The following LTBP4 variants were observed in gnomAD, a reference collection of about 807,000 sequenced individuals.
LTBP4 encodes the protein latent transforming growth factor beta binding protein 4, also known as latent-transforming growth factor beta-binding protein 4.
A neutral mutation model predicts 180.2 loss-of-function variants in LTBP4; 93 were observed. That is an observed-to-expected ratio of 0.52 (90% confidence interval 0.44 to 0.61). LTBP4 has a LOEUF of 0.61. Ranked by LOEUF, LTBP4 falls within the 20% of genes least tolerant of loss-of-function variation. The pLI, the probability that LTBP4 is intolerant of heterozygous loss-of-function variation, is 0.00. For synonymous variants in LTBP4, 947 were observed against 934.5 expected (o/e 1.01, Z -0.24); for missense variants, 2,116 against 2,256.5 (o/e 0.94, Z 1.26).
At position 40,613,058 on chromosome 19, in the gene LTBP4, C is replaced by T; in HGVS notation, c.2300-7C>T. 6.2e-7 allele frequency: 1 copy of T among 1,611,572 alleles called. No individual in the cohort carries two copies. Among genetic ancestry groups the T allele is most frequent in the African/African-American group, 1.3e-5 (1 of 75,012 alleles). ...GGACCCTTTCTGAACACCCCCACCCCCCACAGATGTGGACGAATGCAGTTC... is the reference window on the plus strand; with the variant it reads ...GGACCCTTTCTGAACACCCCCACCCTCCACAGATGTGGACGAATGCAGTTC... On this transcript the variant is annotated splice_region_variant and splice_polypyrimidine_tract_variant and intron_variant, in intron 15 of 29. Coordinates refer to ENST00000396819, the MANE Select transcript of LTBP4 (RefSeq NM_001042545.2). The surrounding 1 kb of genome is among the most constrained non-coding windows in gnomAD (Gnocchi z 5.0).
At chr19:40,599,654 C>G, upstream of LTBP4, 1 of 1,135,422 alleles carries the variant, frequency 8.8e-7, no homozygotes, top group Non-Finnish European at 1.3e-6. Flanking sequence ...CCTCTCTCTC[C>G]CCCCTCCCTC....
At chr19:40,599,716 T>A, upstream of LTBP4, 1 of 657,014 alleles carries the variant, frequency 1.5e-6, no homozygotes, top group Non-Finnish European at 2.6e-6. Context: ...ATTTCATCCC[T>A]TGCCTGCCTA....
chr19:40,604,935 C>T, intron 1 of LTBP4, 100 bp from the exon 2 acceptor site: 3 of 1,092,656 alleles, frequency 2.7e-6, no homozygotes, highest in Non-Finnish European at 3.9e-6. Flanking sequence ...CAGCTAAGGG[C>T]GGAGCGACTT....
rs770615852 is a variant in LTBP4 at position 40,605,511 on chromosome 19, GGCGGTGGCGCGGGCGGAA to G, written c.554_571del (p.Val185_Ala190del). 1.2e-6 allele frequency: 2 copies of G among 1,609,582 alleles called. No homozygotes were observed. Among genetic ancestry groups the G allele is most frequent in the East Asian group, 2.2e-5 (1 of 44,798 alleles). The stretch of plus-strand genomic sequence containing the variant: ...GCCCTTGGGAGGAGGCGGACGCTGA[GGCGGTGGCGCGGGCGGAA>G]GCGGCGGCGCGGGCGGAGGCGGCAG... On this transcript the variant is annotated inframe_deletion, in exon 3 of 30. Coordinates refer to ENST00000396819, the MANE Select transcript of LTBP4 (RefSeq NM_001042545.2). The surrounding 1 kb of genome is among the most constrained non-coding windows in gnomAD (Gnocchi z 5.5).
chr19:40,617,263 TG>T (rs1334338980), intron 21 of LTBP4, 38 bp downstream of exon 21: 1 of 1,591,090 alleles, frequency 6.3e-7, no homozygotes, highest in Admixed American at 1.7e-5. Context: ...CCAAAGGGGG[TG>T]GGGGAGGTTG....
chr19:40,611,254 C>T lies in LTBP4; in HGVS notation c.1913C>T (p.Ser638Leu), dbSNP rs776198890. Residue 638 changes from serine to leucine, a missense_variant, in exon 13 of 30, where the codon TCG (serine) becomes TTG (leucine). By Grantham distance (145) the Ser-to-Leu change is moderately radical. Transcript: ENST00000396819. This position sits in a 1 kb window ranked among gnomAD's most constrained non-coding sequence, Gnocchi z 4.4. Reference sequence around the variant, plus strand: ...GTTTGCCCGGCTGGCTTCCGGGGCTCGGCGTGTGAAGAGGATGTGGATGAG... The same window carrying T: ...GTTTGCCCGGCTGGCTTCCGGGGCTTGGCGTGTGAAGAGGATGTGGATGAG... ...RCVCPAGFRG[S>L]ACEEDVDECA... is the part of the protein sequence containing the mutation. 3.7e-5 allele frequency: 60 copies of T among 1,612,788 alleles called. No homozygotes were observed. The highest frequency in any genetic ancestry group is 4.0e-5 in the African/African-American group (3 of 74,864).
upstream of LTBP4, among the ~76,000 whole-genome samples, chr19:40,600,513 G>GC (rs1334358340): frequency 6.6e-6 from 1 of 152,248 alleles, no homozygotes; most frequent in African/African-American, 2.4e-5. This position sits in a 1 kb window ranked among gnomAD's most constrained non-coding sequence, Gnocchi z 4.4. Context: ...GTTGGCGCCT[G>GC]CCTGGGCACC....
At chr19:40,607,275 A>AACCATTC in intron 6 of LTBP4, 90 bp from the exon 7 acceptor site, 1 of 657,106 alleles carries the variant, frequency 1.5e-6, no homozygotes, top group South Asian at 1.9e-5. Flanking sequence ...CCCACCCCCA[A>AACCATTC]CCCCAGAACC....
In LTBP4 at chr19:40,606,215, C is replaced by A. The variant is rs1057524344; in HGVS notation, c.794-18C>A. The A allele has an allele frequency of 3.8e-6, 6 of 1,573,424 alleles. No homozygotes were observed. The highest frequency in any genetic ancestry group is 2.3e-5 in the East Asian group (1 of 42,778). On this transcript the variant is annotated intron_variant, in intron 4 of 29. Transcript: ENST00000396819. ...TCTGCCCACCTGTCCCTGGCCCACC[C>A]CTCTCCTCTCGCCACAGGGAACTCC...
intron 1 of LTBP4, among the ~76,000 whole-genome samples, chr19:40,594,997 GT>G (rs1367782796): frequency 2.0e-5 from 3 of 152,074 alleles, no homozygotes; most frequent in African/African-American, 7.2e-5. Context: ...GTCACGGCGT[GT>G]GGCCTAGTAC....
At chr19:40,602,141 G>A (rs1358177358) in intron 1 of LTBP4, among the ~76,000 whole-genome samples, 1 of 137,356 alleles carries the variant, frequency 7.3e-6, no homozygotes, top group Non-Finnish European at 1.5e-5. Context: ...GACAGAGACG[G>A]GGGTTGTGTG....
chr19:40,627,484 A>G, intron 28 of LTBP4, 129 bp downstream of exon 28: 2 of 1,320,122 alleles, frequency 1.5e-6, no homozygotes, highest in East Asian at 2.5e-5. Context: ...ACAGAAAGGG[A>G]CAGAGAAGTG....
chr19:40,613,503 C>T lies in LTBP4; in HGVS notation c.2531C>T (p.Pro844Leu). ...FACTCAPGYR[P>L]GPRGASCLDV... ...TGTACTTGTGCCCCTGGCTACCGAC[C>T]CGGACCCCGCGGAGCCTCTTGCCTC... is the stretch of plus-strand genomic sequence containing the variant. Residue 844 changes from proline (P) to leucine (L), a missense_variant, in exon 17 of 30, where the codon CCC (proline) becomes CTC (leucine). Pro to Leu is a moderately conservative substitution (Grantham distance 98). Transcript: ENST00000396819. The surrounding 1 kb of genome is among the most constrained non-coding windows in gnomAD (Gnocchi z 5.0). The T allele has an allele frequency of 1.3e-6, 2 of 1,576,900 alleles. No homozygotes were observed. Among genetic ancestry groups the T allele is most frequent in the Non-Finnish European group, 1.7e-6 (2 of 1,162,178 alleles).
intron 7 of LTBP4, among the ~76,000 whole-genome samples, chr19:40,607,753 C>T (rs1193352264): frequency 6.6e-6 from 1 of 152,188 alleles, no homozygotes; most frequent in Non-Finnish European, 1.5e-5. Flanking sequence ...ACAGCTACCC[C>T]GGAGCTCCCA....
Position 40,622,803 on chromosome 19 carries a change from G to T in LTBP4, c.3484+136G>T. 7.1e-7 allele frequency: 1 copy of T among 1,402,510 alleles called. No homozygotes were observed. The allele number at this position is 1,402,510 out of a possible 1,614,324, so 86.9% of individuals were successfully genotyped here. On this transcript the variant is annotated intron_variant, in intron 23 of 29. Transcript: ENST00000396819. The surrounding 1 kb of genome is among the most constrained non-coding windows in gnomAD (Gnocchi z 5.1). ...CTGTCAGGGCAAGGGCGAGCTGCCA[G>T]GCAGGTGGGCATGGGCAGACATAAG...
chr19:40,603,150 T>TC (rs145488613), intron 1 of LTBP4, among the ~76,000 whole-genome samples: 22 of 152,286 alleles, frequency 1.4e-4, no homozygotes, highest in African/African-American at 4.8e-4. Context: ...ACTGTGCCTT[T>TC]CCCCAGATAA....
rs751976005 is a variant in LTBP4, at chr19:40,606,509, C to T, written c.974C>T (p.Ser325Phe). ...VCPDGFLLDSSRSSCISQHVI... is the reference protein window; with the variant it reads ...VCPDGFLLDSFRSSCISQHVI... ...CCCGACGGCTTTCTGCTCGACTCGTCCCGCAGCAGCTGCATCTGTGAGCAA... is the reference window on the plus strand; with the variant it reads ...CCCGACGGCTTTCTGCTCGACTCGTTCCGCAGCAGCTGCATCTGTGAGCAA... Residue 325 changes from serine to phenylalanine, a missense_variant, in exon 6 of 30, where the codon TCC becomes TTC. Transcript: ENST00000396819. The T allele has an allele frequency of 2.6e-6, 4 of 1,568,452 alleles. No individual in the cohort carries two copies. Among genetic ancestry groups the T allele is most frequent in the Non-Finnish European group, 2.6e-6 (3 of 1,157,920 alleles).
At chr19:40,625,689 C>T (rs999369172) in intron 26 of LTBP4, among the ~76,000 whole-genome samples, 168 bp from the exon 27 acceptor site, 2 of 152,146 alleles carry the variant, frequency 1.3e-5, no homozygotes, top group East Asian at 3.9e-4. Flanking sequence ...GTTCCTCAAT[C>T]CAGAACCCTG....
rs28454390 is a variant in LTBP4, at chr19:40,619,088, C to T, written c.3071-259C>T. Among the ~76,000 whole-genome samples, 1,281 of 151,890 alleles carry T rather than the reference C, an allele frequency of 8.4e-3. 22 individuals are homozygous for T. Among genetic ancestry groups the T allele is most frequent in the African/African-American group, 0.03 (1,226 of 41,390 alleles). On this transcript the variant is annotated intron_variant, in intron 21 of 29. Transcript: ENST00000396819. ...GCCTATGTCTGAACCAGAGAAATGC[C>T]GTCATCTGTTTGGTCATTCCTGGAA...
Sources: allele counts gnomAD v4.1 joint callset (sites outside exome capture counted in the v4.1 genomes callset), GRCh38; gene constraint gnomAD v4.1.1; non-coding constraint Gnocchi (gnomAD v3.1); transcripts MANE v1.5; gene names NCBI Gene and HGNC (gene_info 2026-07-23, HGNC 2026-07-21).